Variants in NME7 observed in about 807,000 individuals in gnomAD.
NME7 encodes nucleoside diphosphate kinase 7.
NME7 carries 41 observed loss-of-function variants against 49.1 expected under a neutral mutation model. The ratio of observed to expected loss-of-function variants is 0.83; its 90% CI spans 0.65 to 1.08. NME7 has a LOEUF of 1.08. Among genes scored for constraint, NME7 ranks in the 50% least tolerant of loss-of-function variants. The probability of loss-of-function intolerance (pLI) is 0.00; values close to 1 mark genes in which losing one functional copy is unlikely to be tolerated. For missense variants in NME7, 423 were observed against 463.4 expected (o/e 0.91, Z 0.80); for synonymous variants, 139 against 150.6 (o/e 0.92, Z 0.56).
intron 10 of NME7, among the ~76,000 whole-genome samples, chr1:169,219,214 C>T (rs897397671): frequency 6.6e-6 from 1 of 152,130 alleles, no homozygotes; most frequent in Non-Finnish European, 1.5e-5. Context: ...ATCAGTCCTC[C>T]ATATCCATGA....
At position 169,276,523 on chromosome 1, in the gene NME7, C is replaced by A. The variant is rs868199097; in HGVS notation, c.754+10780G>T. On this transcript the variant is annotated intron_variant, in intron 7 of 11. Transcript: ENST00000367811. ...ATGGTAGTTTGTATTTCTGTGGGATCGGTGGTGATATCCCCTTTATCAGTT... is the reference window on the plus strand; with the variant it reads ...ATGGTAGTTTGTATTTCTGTGGGATAGGTGGTGATATCCCCTTTATCAGTT... Among the ~76,000 whole-genome samples, 46 of 126,016 alleles carry A rather than the reference C, an allele frequency of 3.7e-4. 4 individuals are homozygous for A. Among genetic ancestry groups the A allele is most frequent in the African/African-American group, 1.2e-3 (44 of 38,212 alleles). 82.7% of individuals were successfully genotyped at this position (126,016 alleles called of 152,430 possible). A position where few individuals can be genotyped will look rare whatever the true frequency, so the allele number is the denominator to read the frequency against.
At chr1:169,289,570 T>C (rs1413092355) in intron 6 of NME7, among the ~76,000 whole-genome samples, 1 of 151,990 alleles carries the variant, frequency 6.6e-6, no homozygotes, top group Non-Finnish European at 1.5e-5. Flanking sequence ...CTATTATCTG[T>C]CTTTCCAAAG....
At chr1:169,288,812 C>T (rs192926379) in intron 6 of NME7, among the ~76,000 whole-genome samples, 7 of 152,206 alleles carry the variant, frequency 4.6e-5, no homozygotes, top group East Asian at 3.9e-4. Flanking sequence ...ATACCAGATG[C>T]TTTGATTGCA....
chr1:169,197,314 C>G (rs1397709726), intron 10 of NME7, among the ~76,000 whole-genome samples: 1 of 151,934 alleles, frequency 6.6e-6, no homozygotes, highest in Admixed American at 6.6e-5. Flanking sequence ...TATTCATATT[C>G]ATATTTAAGT....
intron 7 of NME7, among the ~76,000 whole-genome samples, chr1:169,275,403 C>A (rs376063969): frequency 8.6e-6 from 1 of 116,912 alleles, no homozygotes; most frequent in African/African-American, 2.9e-5. Flanking sequence ...GGCGTGAACC[C>A]GGGAGGCGGA....
chr1:169,178,430 A>C (rs1013735881), intron 10 of NME7, among the ~76,000 whole-genome samples: 6 of 152,200 alleles, frequency 3.9e-5, no homozygotes, highest in Middle Eastern at 6.8e-3. Context: ...GGCAGACTCA[A>C]TGCCTAAGTC....
intron 11 of NME7, among the ~76,000 whole-genome samples, chr1:169,152,742 G>C (rs866650072): frequency 9.2e-5 from 14 of 152,254 alleles, no homozygotes; most frequent in South Asian, 2.1e-4. Flanking sequence ...CTTAAGACTT[G>C]TTACTGGATG....
chr1:169,237,695 T>C lies in NME7; in HGVS notation c.755-8A>G. 6.2e-7 allele frequency: 1 copy of C among 1,601,168 alleles called. No homozygotes were observed. Among genetic ancestry groups the C allele is most frequent in the South Asian group, 1.1e-5 (1 of 88,702 alleles). The stretch of plus-strand genomic sequence containing the variant: ...GGATCTTTCCCAACAGTCCTGAAAA[T>C]GAAGGACAATGAGTGAAAAAATACA... On this transcript the variant is annotated splice_polypyrimidine_tract_variant and splice_region_variant and intron_variant, in intron 7 of 11. Coordinates refer to ENST00000367811, the MANE Select transcript of NME7 (RefSeq NM_013330.5).
Position 169,132,556 on chromosome 1 carries a change from G to A in NME7, c.*229C>T, listed in dbSNP as rs1042281245. ...TTGTTTGAAAATAAATCTTTATTTTGAACTTTATAAAAAGCAATGCAGTAC... is the reference window on the plus strand; with the variant it reads ...TTGTTTGAAAATAAATCTTTATTTTAAACTTTATAAAAAGCAATGCAGTAC... On this transcript the variant is annotated 3_prime_UTR_variant, in exon 12 of 12. Coordinates refer to ENST00000367811, the MANE Select transcript of NME7 (RefSeq NM_013330.5). The A allele has an allele frequency of 1.9e-5, 8 of 430,568 alleles. No homozygotes were observed. Among genetic ancestry groups the A allele is most frequent in the African/African-American group, 1.6e-4 (8 of 48,778 alleles). 26.7% of individuals were successfully genotyped at this position (430,568 alleles called of 1,614,324 possible).
intron 10 of NME7, among the ~76,000 whole-genome samples, chr1:169,173,215 G>A (rs1341803084): frequency 6.6e-6 from 1 of 152,084 alleles, no homozygotes; most frequent in Non-Finnish European, 1.5e-5. Flanking sequence ...CTGTCTTAAG[G>A]AGATTAAGAC....
intron 7 of NME7, among the ~76,000 whole-genome samples, chr1:169,251,466 C>T (rs1182959690): frequency 6.6e-6 from 1 of 151,022 alleles, no homozygotes; most frequent in African/African-American, 2.4e-5. Flanking sequence ...AGAATTTAAG[C>T]AATTTATATC....
chr1:169,247,468 T>C (rs1648370758), intron 7 of NME7, among the ~76,000 whole-genome samples: 1 of 152,198 alleles, frequency 6.6e-6, no homozygotes, highest in African/African-American at 2.4e-5. Flanking sequence ...TCTCATTATA[T>C]GAAAATCTCA....
In NME7 at chr1:169,149,294, T is replaced by C. The variant is rs369021761; in HGVS notation, c.1099-16477A>G. On this transcript the variant is annotated intron_variant, in intron 11 of 11. Transcript: ENST00000367811. Reference sequence around the variant, plus strand: ...AGGCGGAGGTTGCAGTGAGCCAAGATCCTGCCACTGCACTCCAGCCTGGGT... The same window carrying C: ...AGGCGGAGGTTGCAGTGAGCCAAGACCCTGCCACTGCACTCCAGCCTGGGT... Among the ~76,000 whole-genome samples the C allele has an allele frequency of 1.9e-3, 290 of 152,154 alleles. 2 individuals are homozygous for C. Among genetic ancestry groups the C allele is most frequent in the African/African-American group, 6.8e-3 (284 of 41,498 alleles).
At chr1:169,285,778 G>T (rs1444585535) in intron 7 of NME7, 2 of 152,064 alleles carry the variant, frequency 1.3e-5, no homozygotes, top group Non-Finnish European at 2.9e-5. Context: ...CATGCTGCAT[G>T]TTAGTTACTT....
At chr1:169,333,938 A>G (rs775686799) in intron 1 of NME7, among the ~76,000 whole-genome samples, 7 of 152,210 alleles carry the variant, frequency 4.6e-5, no homozygotes, top group Non-Finnish European at 1.0e-4. Context: ...TCAGACTTGT[A>G]ATTCTAACAG....
chr1:169,310,918 G>A (rs1014825673), intron 3 of NME7: 2 of 152,106 alleles, frequency 1.3e-5, no homozygotes, highest in Non-Finnish European at 2.9e-5. Flanking sequence ...AAATCCTCAA[G>A]AATACTATTT....
chr1:169,305,560 T>C (rs1651141886), intron 4 of NME7, among the ~76,000 whole-genome samples: 1 of 152,244 alleles, frequency 6.6e-6, no homozygotes, highest in South Asian at 2.1e-4. Flanking sequence ...AGGACCTGAC[T>C]GATCTTCATC....
chr1:169,330,406 G>A (rs907653372), intron 1 of NME7, among the ~76,000 whole-genome samples: 6 of 152,090 alleles, frequency 3.9e-5, no homozygotes, highest in African/African-American at 1.2e-4. Flanking sequence ...ATGGCTGGGC[G>A]TGGTGGATCA....
At chr1:169,252,634 C>T (rs1158063952) in intron 7 of NME7, among the ~76,000 whole-genome samples, 1 of 152,138 alleles carries the variant, frequency 6.6e-6, no homozygotes, top group African/African-American at 2.4e-5. Flanking sequence ...GAAGTCGTCG[C>T]CTATGCCTAT....
Sources: gnomAD v4.1 joint callset for allele counts (sites outside exome capture counted in the v4.1 genomes callset) on GRCh38, gnomAD v4.1.1 for gene constraint, MANE v1.5 for transcripts, NCBI Gene and HGNC (gene_info 2026-07-23, HGNC 2026-07-21) for gene names.